Variants in ECI2 observed in about 807,000 individuals in gnomAD.
ECI2 encodes enoyl-CoA delta isomerase 2, also known as D3,D2-enoyl-CoA isomerase.
ECI2 carries 27 observed loss-of-function variants against 38.4 expected under a neutral mutation model. The ratio of observed to expected loss-of-function variants is 0.70; its 90% confidence interval spans 0.52 to 0.97. The LOEUF (loss-of-function observed/expected upper bound fraction) is 0.97. ECI2 is among the 50% of genes least tolerant of loss of function. ECI2 has a pLI of 0.00. For missense variants in ECI2, 470 were observed against 474.4 expected, an observed-to-expected ratio of 0.99 and a Z score of 0.09; for synonymous variants, 168 against 172.0, an observed-to-expected ratio of 0.98 and a Z score of 0.18.
intron 8 of ECI2, chr6:4,118,257 C>T (rs62394176): frequency 0.074 from 11,271 of 152,352 alleles, 554 homozygotes; most frequent in Middle Eastern, 0.15. Context: ...GTCTTGAACT[C>T]CTGATCTCAA....
At chr6:4,135,348 G>T in intron 1 of ECI2, 163 bp downstream of exon 1, 4 of 1,482,964 alleles carry the variant, frequency 2.7e-6, no homozygotes, top group South Asian at 1.3e-5. Context: ...GCGCGCGTGA[G>T]GTCGTCACTT....
chr6:4,123,961 C>G (rs1772980759), intron 7 of ECI2, among the ~76,000 whole-genome samples: 1 of 148,810 alleles, frequency 6.7e-6, no homozygotes, highest in South Asian at 2.1e-4. Flanking sequence ...ACTCCCATCT[C>G]TTAAAAAAAA....
At chr6:4,127,429 T>C (rs1285750045) in intron 5 of ECI2, among the ~76,000 whole-genome samples, 2 of 128,996 alleles carry the variant, frequency 1.6e-5, no homozygotes, top group African/African-American at 6.5e-5. Context: ...TTTTTTTTTT[T>C]TTTGAGACAG....
At chr6:4,131,446 G>C (rs1157562955) in intron 2 of ECI2, among the ~76,000 whole-genome samples, 1 of 151,984 alleles carries the variant, frequency 6.6e-6, no homozygotes, top group Non-Finnish European at 1.5e-5. Flanking sequence ...AGGTGGAGTG[G>C]GTGTTTTGAG....
At chr6:4,126,702 G>A (rs1422731225) in intron 5 of ECI2, among the ~76,000 whole-genome samples, 1 of 152,176 alleles carries the variant, frequency 6.6e-6, no homozygotes, top group South Asian at 2.1e-4. Context: ...GGGGAAGTCG[G>A]TGCAGGATGA....
intron 5 of ECI2, among the ~76,000 whole-genome samples, chr6:4,127,222 T>C (rs989748869): frequency 4.6e-5 from 7 of 152,204 alleles, no homozygotes; most frequent in East Asian, 1.9e-4. Context: ...TGAACATTTG[T>C]TTTCTGGTTT....
Position 4,130,856 on chromosome 6 carries a change from C to G in ECI2, c.223G>C (p.Gly75Arg), listed in dbSNP as rs141043087. 29 of 1,614,082 alleles carry G rather than the reference C, an allele frequency of 1.8e-5. No individual in the cohort carries two copies. The East Asian group carries it at 5.8e-4, about 32-fold the overall frequency. The change falls in exon 3 of 10, where the codon GGA becomes CGA. Residue 75 changes from glycine to arginine, a missense_variant. By Grantham distance (125) the Gly-to-Arg change is moderately radical. Coordinates refer to ENST00000380118, the MANE Select transcript of ECI2 (RefSeq NM_206836.3). ...CCTGGTTTGGGCATGTTACAAGGTC[C>G]TTCAGTGGCCTGTGAAAAGGAGAGG... ...LYALYKQATE[G>R]PCNMPKPGVF...
rs201232756 is a variant in ECI2, at chr6:4,125,174, C to T, written c.795+76G>A. ...CAACATGTAACCTGCTTATGACTGGCAACGCTGAAGGAGGATTCAAAGGCT... is the reference window on the plus strand; with the variant it reads ...CAACATGTAACCTGCTTATGACTGGTAACGCTGAAGGAGGATTCAAAGGCT... On this transcript the variant is annotated intron_variant, in intron 7 of 9. Coordinates refer to ENST00000380118, the MANE Select transcript of ECI2 (RefSeq NM_206836.3). 477 of 1,576,182 alleles carry T rather than the reference C, an allele frequency of 3.0e-4. 3 individuals carry two copies. The highest frequency in any genetic ancestry group is 8.0e-4 in the South Asian group (70 of 87,106).
intron 9 of ECI2, among the ~76,000 whole-genome samples, 199 bp from the exon 10 acceptor site, chr6:4,116,228 G>A (rs1159778257): frequency 6.6e-6 from 1 of 151,890 alleles, no homozygotes; most frequent in Non-Finnish European, 1.5e-5. Context: ...GTACATGCCT[G>A]TGATCCCAGC....
In ECI2 at chr6:4,130,990, T is replaced by C. The variant is rs897124995; in HGVS notation, c.214-125A>G. The C allele has an allele frequency of 6.1e-6, 5 of 823,894 alleles. No homozygotes were observed. In the African/African-American group the frequency reaches 8.7e-5, roughly 14 times the overall value. 51.0% of individuals were successfully genotyped at this position (823,894 alleles called of 1,614,324 possible). A position where few individuals can be genotyped will look rare whatever the true frequency, so the allele number is the denominator to read the frequency against. Reference sequence around the variant, plus strand: ...CAAATCCTTTCACAGGGTATGTAAATTGATCTGAATTTTCCCCTCCAGTCT... The same window carrying C: ...CAAATCCTTTCACAGGGTATGTAAACTGATCTGAATTTTCCCCTCCAGTCT... On this transcript the variant is annotated intron_variant, in intron 2 of 9. Transcript: ENST00000380118.
At chr6:4,122,776 G>A (rs1041049575) in intron 7 of ECI2, among the ~76,000 whole-genome samples, 17 of 152,230 alleles carry the variant, frequency 1.1e-4, no homozygotes, top group African/African-American at 3.6e-4. Flanking sequence ...GATTAGAGGC[G>A]TGAGCCACTG....
chr6:4,123,092 C>A (rs1460506285), intron 7 of ECI2, among the ~76,000 whole-genome samples: 1 of 152,038 alleles, frequency 6.6e-6, no homozygotes, highest in Non-Finnish European at 1.5e-5. Flanking sequence ...GATATTTATT[C>A]TTGAAGCCAA....
intron 7 of ECI2, among the ~76,000 whole-genome samples, chr6:4,123,645 A>G (rs1360913292): frequency 1.3e-5 from 2 of 151,840 alleles, no homozygotes; most frequent in Non-Finnish European, 2.9e-5. Context: ...AATTTATATC[A>G]TAAGATGGAA....
At chr6:4,119,946 C>A (rs549628712) in intron 7 of ECI2, among the ~76,000 whole-genome samples, 3 of 149,828 alleles carry the variant, frequency 2.0e-5, no homozygotes, top group African/African-American at 7.3e-5. Context: ...CATTCTGTAG[C>A]ATTTTGAGTC....
rs775082344 is a variant in ECI2, at chr6:4,133,689, G to T, written c.73C>A (p.Pro25Thr). The change falls in exon 2 of 10, where the codon CCG (proline) becomes ACG (threonine). Residue 25 changes from proline (P) to threonine (T), a missense_variant. Coordinates refer to ENST00000380118, the MANE Select transcript of ECI2 (RefSeq NM_206836.3). Reference protein sequence around the residue: ...CPSSLQVTSFPVVQLHMNRTA... With the variant: ...CPSSLQVTSFTVVQLHMNRTA... Reference sequence around the variant, plus strand: ...CTATTCATGTGCAGCTGAACTACCGGGAAACTAGTGACCTGCAGAGAACTA... The same window carrying T: ...CTATTCATGTGCAGCTGAACTACCGTGAAACTAGTGACCTGCAGAGAACTA... 6.2e-7 allele frequency: 1 copy of T among 1,611,078 alleles called. No homozygotes were observed. Among genetic ancestry groups the T allele is most frequent in the Non-Finnish European group, 8.5e-7 (1 of 1,179,094 alleles).
chr6:4,127,828 A>G lies in ECI2; in HGVS notation c.505T>C (p.Tyr169His). ...KKKNAINTEM[Y>H]HEIMRALKAA... ...TTAAGTGCACGCATAATTTCATGAT[A>G]CATCTGTGTAATGGGAAGACAAGGA... The change falls in exon 5 of 10, where the codon TAT becomes CAT. Residue 169 changes from tyrosine to histidine, a missense_variant. Physicochemically the swap from Tyr to His is moderately conservative, Grantham distance 83. Transcript: ENST00000380118. 1 of 1,612,308 alleles carries G rather than the reference A, an allele frequency of 6.2e-7. No homozygotes were observed. Among genetic ancestry groups the G allele is most frequent in the South Asian group, 1.1e-5 (1 of 90,768 alleles).
chr6:4,126,310 C>G lies in ECI2; in HGVS notation c.572-73G>C. 3.1e-6 allele frequency: 4 copies of G among 1,311,438 alleles called. No homozygotes were observed. The South Asian group carries it at 5.3e-5, about 17-fold the overall frequency. The allele number at this position is 1,311,438 out of a possible 1,614,324, so 81.2% of individuals were successfully genotyped here. On this transcript the variant is annotated intron_variant, in intron 5 of 9. Transcript: ENST00000380118. ...TCTTGAGTATCTACTGCATGCCAAA[C>G]TCTATGGTTAGGCAAGGGAAATACA...
chr6:4,127,709 A>C, intron 5 of ECI2, 53 bp downstream of exon 5: 1 of 1,568,778 alleles, frequency 6.4e-7, no homozygotes. Context: ...CCTATCTATT[A>C]AGAGGCCCCT....
chr6:4,134,535 T>C (rs916490343), intron 1 of ECI2, among the ~76,000 whole-genome samples: 4 of 152,042 alleles, frequency 2.6e-5, no homozygotes, highest in African/African-American at 9.7e-5. Context: ...CACTGAATAA[T>C]AGAGTTAATG....
Sources: gnomAD v4.1 joint callset for allele counts (sites outside exome capture counted in the v4.1 genomes callset) on GRCh38, gnomAD v4.1.1 for gene constraint, MANE v1.5 for transcripts, NCBI Gene and HGNC (gene_info 2026-07-23, HGNC 2026-07-21) for gene names.